The following IFT88 variants were observed in gnomAD, a reference collection of about 807,000 sequenced individuals.
IFT88 encodes intraflagellar transport 88.
Under a neutral mutation model 119.5 loss-of-function variants are expected in IFT88, and 74 were observed. The ratio of observed to expected loss-of-function variants is 0.62; its 90% CI spans 0.51 to 0.75. IFT88 has a LOEUF of 0.75. Ranked by LOEUF, IFT88 falls within the 30% of genes least tolerant of loss-of-function variation. The pLI is 0.00. For synonymous variants in IFT88, 279 were observed against 316.7 expected, an observed-to-expected ratio of 0.88 and a Z score of 1.26; for missense variants, 961 against 977.7, an observed-to-expected ratio of 0.98 and a Z score of 0.23.
intron 2 of IFT88, among the ~76,000 whole-genome samples, chr13:20,578,031 C>CTTTTTTTTTTTTTTTT: frequency 1.7e-5 from 1 of 59,824 alleles, no homozygotes; most frequent in Admixed American, 2.1e-4. Context: ...AGTCTTGTTA[C>CTTTTTTTTTTTTTTTT]TTCTTTTTTT....
intron 14 of IFT88, among the ~76,000 whole-genome samples, chr13:20,621,546 A>C (rs937547607): frequency 4.4e-5 from 1 of 22,532 alleles, no homozygotes; most frequent in Non-Finnish European, 1.4e-4. Flanking sequence ...AAAAAAAAAA[A>C]AAAAAAAAAA....
At chr13:20,607,940 A>T in intron 13 of IFT88, 1 of 645,398 alleles carries the variant, frequency 1.5e-6, no homozygotes. Flanking sequence ...ACCAAGTAAG[A>T]TGCAAACCAG....
In IFT88 at chr13:20,625,819, T is replaced by A; in HGVS notation, c.1269T>A (p.Val423=). 1 of 1,599,662 alleles carries A rather than the reference T, an allele frequency of 6.3e-7. No individual in the cohort carries two copies. The highest frequency in any genetic ancestry group is 1.1e-5 in the South Asian group (1 of 87,608). The change falls in exon 15 of 26, where the codon GTT becomes GTA. Residue 423 remains valine, a synonymous_variant. Coordinates refer to ENST00000351808, the MANE Select transcript of IFT88 (RefSeq NM_006531.5). ...ATGATCTGGAAATAAACAAAGCAGT[T>A]ACATACTTGAGACAAAAAGACTATA... ...LANDLEINKA[V]TYLRQKDYNQ... is the part of the protein sequence containing the mutation.
intron 15 of IFT88, among the ~76,000 whole-genome samples, chr13:20,629,470 A>G (rs1436048215): frequency 6.6e-6 from 1 of 152,174 alleles, no homozygotes; most frequent in South Asian, 2.1e-4. Flanking sequence ...TTACTTTGTA[A>G]ACTACTGACC....
At chr13:20,572,729 A>G (rs1169134820) in intron 1 of IFT88, among the ~76,000 whole-genome samples, 3 of 152,156 alleles carry the variant, frequency 2.0e-5, no homozygotes, top group Non-Finnish European at 4.4e-5. Context: ...AAGATACAGA[A>G]CATTTATCAT....
chr13:20,595,205 G>T (rs780160668), intron 7 of IFT88, among the ~76,000 whole-genome samples: 3 of 152,158 alleles, frequency 2.0e-5, no homozygotes, highest in Non-Finnish European at 4.4e-5. Flanking sequence ...TCAAGCCGTA[G>T]TGCATTATGA....
intron 23 of IFT88, among the ~76,000 whole-genome samples, chr13:20,670,075 T>C (rs1464218813): frequency 6.6e-6 from 1 of 152,196 alleles, no homozygotes; most frequent in Non-Finnish European, 1.5e-5. Flanking sequence ...TTTATAAATA[T>C]TTGGGAAGTT....
chr13:20,567,655 T>A, intron 1 of IFT88: 1 of 908,404 alleles, frequency 1.1e-6, no homozygotes, highest in Non-Finnish European at 1.4e-6. Context: ...CATCGCTCTT[T>A]AATTTTCTTG....
intron 22 of IFT88, chr13:20,663,186 G>T (rs1225716098): frequency 2.5e-6 from 3 of 1,222,684 alleles, no homozygotes; most frequent in East Asian, 4.8e-5. Context: ...TTATGAAACT[G>T]CTATAGAACA....
chr13:20,622,005 T>C (rs1304268220), intron 14 of IFT88, among the ~76,000 whole-genome samples: 1 of 152,242 alleles, frequency 6.6e-6, no homozygotes, highest in Admixed American at 6.5e-5. Context: ...TTGGCTTTGC[T>C]GATTGGCTTC....
At chr13:20,671,849 T>G (rs1345668817) in intron 24 of IFT88, among the ~76,000 whole-genome samples, 1 of 152,226 alleles carries the variant, frequency 6.6e-6, no homozygotes, top group Non-Finnish European at 1.5e-5. Flanking sequence ...ACTATCCAGC[T>G]GCATTCTGTC....
intron 11 of IFT88, among the ~76,000 whole-genome samples, chr13:20,601,389 G>T (rs2042575381): frequency 1.3e-5 from 2 of 150,742 alleles, no homozygotes; most frequent in African/African-American, 2.4e-5. Context: ...AAGACTAATG[G>T]TTACCTAGGG....
At chr13:20,600,277 G>GA (rs1273605565) in intron 11 of IFT88, among the ~76,000 whole-genome samples, 2 of 151,466 alleles carry the variant, frequency 1.3e-5, no homozygotes, top group Admixed American at 6.6e-5. Context: ...GAGCATTTTA[G>GA]AAAAAAAATT....
At chr13:20,593,864 A>T (rs1232512548) in intron 7 of IFT88, among the ~76,000 whole-genome samples, 1 of 151,934 alleles carries the variant, frequency 6.6e-6, no homozygotes, top group Non-Finnish European at 1.5e-5. Flanking sequence ...AGCCTGGGCA[A>T]CATAGCGAGA....
In IFT88 at chr13:20,680,219, G is replaced by A. The variant is rs185715632; in HGVS notation, c.2242+9180G>A. On this transcript the variant is annotated intron_variant, in intron 24 of 25. Coordinates refer to ENST00000351808, the MANE Select transcript of IFT88 (RefSeq NM_006531.5). ...TTGTGTCATGGAGATGTTACATTCA[G>A]GCACTATCGCCAGCCAGGATTGATG... 1.9e-3 allele frequency among the ~76,000 whole-genome samples: 294 copies of A among 152,288 alleles called. 4 individuals carry two copies. The highest frequency in any genetic ancestry group is 0.014 in the Admixed American group (220 of 15,300).
At chr13:20,649,893 A>G (rs1011963808) in intron 20 of IFT88, among the ~76,000 whole-genome samples, 1 of 152,202 alleles carries the variant, frequency 6.6e-6, no homozygotes, top group Non-Finnish European at 1.5e-5. Context: ...TAAAATGGTC[A>G]AATTTGTAGA....
At chr13:20,663,115 T>C (rs1365222223) in intron 22 of IFT88, 2 of 431,726 alleles carry the variant, frequency 4.6e-6, no homozygotes, top group Non-Finnish European at 7.5e-6. Context: ...GTAATGATTA[T>C]TATATGTATA....
At chr13:20,656,902 A>G (rs1218903889) in intron 22 of IFT88, among the ~76,000 whole-genome samples, 1 of 152,168 alleles carries the variant, frequency 6.6e-6, no homozygotes, top group African/African-American at 2.4e-5. Flanking sequence ...TCTGTTGCCC[A>G]GGCTAGAGTG....
At chr13:20,659,472 C>T (rs2053434863) in intron 22 of IFT88, among the ~76,000 whole-genome samples, 1 of 151,778 alleles carries the variant, frequency 6.6e-6, no homozygotes, top group Admixed American at 6.6e-5. Context: ...CCAGCCTGGG[C>T]ATCTCTAAAT....
Sources: gnomAD v4.1 joint callset for allele counts (sites outside exome capture counted in the v4.1 genomes callset) on GRCh38, gnomAD v4.1.1 for gene constraint, MANE v1.5 for transcripts, NCBI Gene and HGNC (gene_info 2026-07-23, HGNC 2026-07-21) for gene names.